Variants in NAALADL2 observed in about 807,000 individuals in gnomAD.
NAALADL2 encodes the protein N-acetylated alpha-linked acidic dipeptidase like 2.
NAALADL2 carries 76 observed loss-of-function variants against 87.2 expected under a neutral mutation model. The observed-to-expected ratio is 0.87, with a 90% CI of 0.72 to 1.05. NAALADL2 has a LOEUF of 1.05. Ranked by LOEUF, NAALADL2 falls within the 50% of genes least tolerant of loss-of-function variation. NAALADL2 has a pLI of 0.00. For synonymous variants in NAALADL2, 354 were observed against 331.0 expected (o/e 1.07, Z -0.75); for missense variants, 1,089 against 945.8 (o/e 1.15, Z -1.99).
chr3:175,253,174 C>A, intron 3 of NAALADL2, among the ~76,000 whole-genome samples: 1 of 152,166 alleles, frequency 6.6e-6, no homozygotes. Flanking sequence ...AAGGCTAGGC[C>A]AGGCTTCCAA....
chr3:174,884,115 C>T (rs1729767422), intron 1 of NAALADL2, among the ~76,000 whole-genome samples: 2 of 152,114 alleles, frequency 1.3e-5, no homozygotes, highest in Admixed American at 6.5e-5. Context: ...CGGCATTCCT[C>T]CCTCTGGAAC....
At chr3:175,230,669 A>G (rs1473219064) in intron 2 of NAALADL2, among the ~76,000 whole-genome samples, 4 of 152,104 alleles carry the variant, frequency 2.6e-5, no homozygotes, top group African/African-American at 9.7e-5. Flanking sequence ...CGGCAGTTGT[A>G]CTTCTGAGCT....
intron 2 of NAALADL2, among the ~76,000 whole-genome samples, chr3:175,126,149 T>G (rs1726910374): frequency 6.6e-6 from 1 of 151,988 alleles, no homozygotes; most frequent in Non-Finnish European, 1.5e-5. Context: ...GCAACAAGAA[T>G]AGTTTCTGGG....
intron 5 of NAALADL2, among the ~76,000 whole-genome samples, chr3:175,361,173 C>T (rs1362084386): frequency 6.6e-6 from 1 of 152,048 alleles, no homozygotes; most frequent in African/African-American, 2.4e-5. Flanking sequence ...CCAGTTCATC[C>T]ATGTCCCTAC....
chr3:174,949,580 A>T (rs1337616608), intron 1 of NAALADL2, among the ~76,000 whole-genome samples: 2 of 152,216 alleles, frequency 1.3e-5, no homozygotes, highest in African/African-American at 4.8e-5. Flanking sequence ...CTTTAGTTCC[A>T]TCTGCAACCT....
chr3:175,462,730 T>C (rs10460799), intron 6 of NAALADL2, among the ~76,000 whole-genome samples: 10,596 of 152,230 alleles, frequency 0.07, 559 homozygotes, highest in East Asian at 0.24. Flanking sequence ...ACTAGAGTCC[T>C]TCCTGTTTGG....
intron 10 of NAALADL2, among the ~76,000 whole-genome samples, chr3:175,627,044 AAATT>A (rs1727082418): frequency 6.6e-6 from 1 of 151,860 alleles, no homozygotes; most frequent in Admixed American, 6.6e-5. Context: ...TATAATTGCT[AAATT>A]AATTAAATAT....
chr3:174,562,311 GTTAA>G (rs1196005846), intron 2 of NAALADL2, among the ~76,000 whole-genome samples: 1 of 152,106 alleles, frequency 6.6e-6, no homozygotes, highest in Non-Finnish European at 1.5e-5. Flanking sequence ...GAAAGAAAAT[GTTAA>G]TTAGTTTGTA....
intron 1 of NAALADL2, among the ~76,000 whole-genome samples, chr3:174,451,198 G>C (rs752781517): frequency 6.6e-6 from 1 of 152,166 alleles, no homozygotes; most frequent in Non-Finnish European, 1.5e-5. Flanking sequence ...GGATATGTCT[G>C]TGGATCCTGT....
chr3:174,731,031 A>G (rs1732652471), intron 2 of NAALADL2, among the ~76,000 whole-genome samples: 1 of 152,120 alleles, frequency 6.6e-6, no homozygotes, highest in African/African-American at 2.4e-5. Context: ...AATTATTACC[A>G]TGCACAAGGC....
chr3:175,439,075 A>G lies in NAALADL2; in HGVS notation c.1091-8154A>G, dbSNP rs964004858. Among the ~76,000 whole-genome samples, 14 of 152,206 alleles carry G rather than the reference A, an allele frequency of 9.2e-5. No homozygotes were observed. The South Asian group carries it at 1.4e-3, about 16-fold the overall frequency. On this transcript the variant is annotated intron_variant, in intron 5 of 13. Transcript: ENST00000454872. ...GCCTTTGTGTCCTCATAGCTTCGCT[A>G]CTACTTATGAGTGAGAACAGATGAT...
chr3:174,726,887 A>G (rs2108969059), intron 2 of NAALADL2, among the ~76,000 whole-genome samples: 1 of 152,174 alleles, frequency 6.6e-6, no homozygotes, highest in Admixed American at 6.5e-5. Flanking sequence ...TAGGCTCCTA[A>G]TAAGTCCGTT....
intron 2 of NAALADL2, among the ~76,000 whole-genome samples, chr3:175,232,055 A>G (rs779091499): frequency 9.9e-5 from 15 of 151,990 alleles, no homozygotes; most frequent in Non-Finnish European, 1.8e-4. Flanking sequence ...GCTATTCCAT[A>G]AAATTTAGGT....
chr3:174,909,608 G>A (rs1483749095), intron 1 of NAALADL2, among the ~76,000 whole-genome samples: 2 of 152,064 alleles, frequency 1.3e-5, no homozygotes, highest in Non-Finnish European at 2.9e-5. Context: ...TTGTGTGGTG[G>A]GTTAGTGCAC....
At chr3:175,264,171 T>A (rs1751544792) in intron 4 of NAALADL2, among the ~76,000 whole-genome samples, 1 of 151,806 alleles carries the variant, frequency 6.6e-6, no homozygotes, top group Non-Finnish European at 1.5e-5. Context: ...CTCTTCTACT[T>A]CATAGTTATG....
chr3:174,736,610 G>A (rs748453384), intron 2 of NAALADL2, among the ~76,000 whole-genome samples: 2 of 152,112 alleles, frequency 1.3e-5, no homozygotes, highest in African/African-American at 2.4e-5. Context: ...GGCTGAGTCC[G>A]GGGTTTTTAT....
chr3:175,143,551 C>CAAAAAAAAAAA (rs200363916), intron 2 of NAALADL2, among the ~76,000 whole-genome samples: 1 of 113,408 alleles, frequency 8.8e-6, no homozygotes. Flanking sequence ...CAATGTTAGC[C>CAAAAAAAAAAA]AAAAAAAAAA....
intron 1 of NAALADL2, among the ~76,000 whole-genome samples, chr3:174,884,352 C>T (rs2109740439): frequency 6.6e-6 from 1 of 152,244 alleles, no homozygotes; most frequent in South Asian, 2.1e-4. Context: ...GTATTGTCAC[C>T]TAGTTGGGAT....
At chr3:175,117,929 G>C (rs1198085829) in intron 2 of NAALADL2, among the ~76,000 whole-genome samples, 1 of 152,066 alleles carries the variant, frequency 6.6e-6, no homozygotes. Flanking sequence ...GGAATACTAT[G>C]CAGCCATAAA....
Sources: gnomAD v4.1 joint callset for allele counts (sites outside exome capture counted in the v4.1 genomes callset) on GRCh38, gnomAD v4.1.1 for gene constraint, MANE v1.5 for transcripts, NCBI Gene and HGNC (gene_info 2026-07-23, HGNC 2026-07-21) for gene names.